The following TG variants were observed in gnomAD, a reference collection of about 807,000 sequenced individuals.
TG encodes thyroglobulin.
In TG, 270 loss-of-function variants were observed where a neutral mutation model predicts 324.7. That is an observed-to-expected ratio of 0.83 (90% CI 0.75 to 0.92). The LOEUF (loss-of-function observed/expected upper bound fraction) is 0.92. TG is among the 40% of genes least tolerant of loss of function. The pLI, the probability that TG is intolerant of heterozygous loss-of-function variation, is 0.00. For missense variants in TG, 3,591 were observed against 3,456.4 expected (o/e 1.04, Z -0.98); for synonymous variants, 1,401 against 1,327.0 (o/e 1.06, Z -1.21).
chr8:133,118,305 C>G (rs1308789210), intron 45 of TG, among the ~76,000 whole-genome samples: 1 of 150,452 alleles, frequency 6.6e-6, no homozygotes, highest in East Asian at 1.9e-4. Flanking sequence ...CCTGATTCCC[C>G]CAAACAGATT....
chr8:133,116,520 G>T (rs186910754), intron 44 of TG, 89 bp from the exon 45 acceptor site: 30 of 1,262,990 alleles, frequency 2.4e-5, no homozygotes, highest in African/African-American at 1.5e-5. Context: ...GGGGCCCAGG[G>T]GGCCCCTTGC....
chr8:132,893,912 G>A lies in TG; in HGVS notation c.2984G>A (p.Arg995His). 1 of 1,614,032 alleles carries A rather than the reference G, an allele frequency of 6.2e-7. No homozygotes were observed. The highest frequency in any genetic ancestry group is 1.1e-5 in the South Asian group (1 of 91,086). Residue 995 changes from arginine (R) to histidine (H), a missense_variant, in exon 11 of 48, where the codon CGC becomes CAC. Coordinates refer to ENST00000220616, the MANE Select transcript of TG (RefSeq NM_003235.5). Reference sequence around the variant, plus strand: ...CTGCGTGGGAGTGATTACGCCATTCGCCTGGCGGCTCAGTCTAGTGAGTGT... The same window carrying A: ...CTGCGTGGGAGTGATTACGCCATTCACCTGGCGGCTCAGTCTAGTGAGTGT... ...QFLRGSDYAI[R>H]LAAQSTLSFY... is the part of the protein sequence containing the mutation.
rs140615396 is a variant in TG, at chr8:132,896,393, T to G, written c.3002-1256T>G. ...TGGTGGCATCCTTGTATCTGCAAGCTCTCTCGTCTGGAGCCATGAAGCCTG... is the reference window on the plus strand; with the variant it reads ...TGGTGGCATCCTTGTATCTGCAAGCGCTCTCGTCTGGAGCCATGAAGCCTG... On this transcript the variant is annotated intron_variant, in intron 11 of 47. Coordinates refer to ENST00000220616, the MANE Select transcript of TG (RefSeq NM_003235.5). Among the ~76,000 whole-genome samples, 211 of 152,252 alleles carry G rather than the reference T, an allele frequency of 1.4e-3. 11 individuals are homozygous for G. The East Asian group carries it at 0.037, about 27-fold the overall frequency.
chr8:132,908,038 A>G, intron 17 of TG, 148 bp from the exon 18 acceptor site: 3 of 902,318 alleles, frequency 3.3e-6, no homozygotes, highest in Non-Finnish European at 5.2e-6. Flanking sequence ...GCTGGAAAGT[A>G]CTTAGACTCA....
intron 21 of TG, among the ~76,000 whole-genome samples, chr8:132,920,172 G>T (rs1820911905): frequency 6.6e-6 from 1 of 152,138 alleles, no homozygotes; most frequent in Non-Finnish European, 1.5e-5. Context: ...GTATGTATGG[G>T]TGGCCTTCCC....
chr8:133,080,548 C>T (rs1397783746), intron 41 of TG, among the ~76,000 whole-genome samples: 1 of 152,186 alleles, frequency 6.6e-6, no homozygotes, highest in African/African-American at 2.4e-5. Context: ...GACTCAGGCC[C>T]TGCTGCTATC....
At chr8:132,867,152 G>A (rs545033547) in intron 1 of TG, 85 bp downstream of exon 1, 25 of 1,213,768 alleles carry the variant, frequency 2.1e-5, no homozygotes, top group East Asian at 1.5e-4. Context: ...GAACAGGTGC[G>A]ATCTAATTTA....
At chr8:133,003,228 AAG>A in intron 35 of TG, 1 of 162,024 alleles carries the variant, frequency 6.2e-6, no homozygotes, top group Non-Finnish European at 1.3e-5. Context: ...GGAAATAAGG[AAG>A]GAGGGAGGGA....
At chr8:132,950,930 T>C (rs937055330) in intron 27 of TG, among the ~76,000 whole-genome samples, 6 of 152,156 alleles carry the variant, frequency 3.9e-5, no homozygotes, top group Admixed American at 3.9e-4. Flanking sequence ...GCACTCTTAT[T>C]ATCATTGTCC....
At chr8:132,989,518 C>T (rs147253057) in intron 35 of TG, among the ~76,000 whole-genome samples, 1 of 152,186 alleles carries the variant, frequency 6.6e-6, no homozygotes, top group Non-Finnish European at 1.5e-5. Flanking sequence ...TGTCTCGTTA[C>T]AGTTTGTCCT....
chr8:132,960,978 G>A (rs374090626), intron 27 of TG, 30 bp from the exon 28 acceptor site: 8 of 1,610,866 alleles, frequency 5.0e-6, no homozygotes, highest in East Asian at 4.5e-5. Context: ...GCACACTCAA[G>A]CTCATAAAAA....
chr8:133,097,972 G>T (rs374562527), intron 43 of TG, among the ~76,000 whole-genome samples: 2 of 152,106 alleles, frequency 1.3e-5, no homozygotes, highest in South Asian at 2.1e-4. Context: ...GTGTTGCAAG[G>T]GGGGGTGTCA....
intron 45 of TG, among the ~76,000 whole-genome samples, chr8:133,130,541 G>C (rs7001708): frequency 0.064 from 9,803 of 152,194 alleles, 1,072 homozygotes; most frequent in African/African-American, 0.22. Context: ...CTAGTGACTG[G>C]GAATGGCCCT....
At chr8:133,115,739 C>A (rs1455970185) in intron 44 of TG, among the ~76,000 whole-genome samples, 1 of 152,202 alleles carries the variant, frequency 6.6e-6, no homozygotes, top group East Asian at 1.9e-4. Flanking sequence ...ACCTGGTGGG[C>A]CCAGGGTCAG....
intron 27 of TG, among the ~76,000 whole-genome samples, chr8:132,959,255 TA>T (rs1318815526): frequency 6.6e-6 from 1 of 152,208 alleles, no homozygotes; most frequent in Non-Finnish European, 1.5e-5. Flanking sequence ...CAAACACCTT[TA>T]ACATTTTTGC....
At chr8:133,088,089 C>T (rs767648642) in intron 41 of TG, among the ~76,000 whole-genome samples, 4 of 152,166 alleles carry the variant, frequency 2.6e-5, no homozygotes, top group African/African-American at 9.7e-5. Context: ...CCAATAGAGG[C>T]GAGAGCTCTG....
At chr8:132,947,493 T>G (rs1450957414) in intron 26 of TG, among the ~76,000 whole-genome samples, 2 of 152,114 alleles carry the variant, frequency 1.3e-5, no homozygotes, top group African/African-American at 4.8e-5. Flanking sequence ...GGACACAATG[T>G]GAAATTTTTA....
At chr8:132,933,445 T>TGTGTGTGC in intron 23 of TG, 116 bp from the exon 24 acceptor site, 1 of 636,936 alleles carries the variant, frequency 1.6e-6, no homozygotes, top group East Asian at 3.0e-5. Context: ...TGTGTGTGTG[T>TGTGTGTGC]GTGTGTGTGT....
chr8:132,870,747 G>A (rs1839411467), intron 3 of TG, among the ~76,000 whole-genome samples: 1 of 152,050 alleles, frequency 6.6e-6, no homozygotes, highest in Admixed American at 6.5e-5. Flanking sequence ...GGAACCATCT[G>A]TGCAGAGATC....
Sources: allele counts gnomAD v4.1 joint callset (sites outside exome capture counted in the v4.1 genomes callset), GRCh38; gene constraint gnomAD v4.1.1; transcripts MANE v1.5; gene names NCBI Gene and HGNC (gene_info 2026-07-23, HGNC 2026-07-21).